The following ITGA11 variants were observed in gnomAD, a reference collection of about 807,000 sequenced individuals.
The protein encoded by ITGA11 is integrin alpha-11.
Under a neutral mutation model 141.9 loss-of-function variants are expected in ITGA11, and 97 were observed. The ratio of observed to expected loss-of-function variants is 0.68; its 90% confidence interval spans 0.58 to 0.81. The LOEUF is 0.81. ITGA11 is among the 30% of genes least tolerant of loss of function. The pLI is 0.00. For synonymous variants in ITGA11, 658 were observed against 624.6 expected (o/e 1.05, Z -0.80); for missense variants, 1,387 against 1,559.2 (o/e 0.89, Z 1.86).
chr15:68,427,900 T>C (rs1203741734), intron 1 of ITGA11, among the ~76,000 whole-genome samples: 1 of 152,112 alleles, frequency 6.6e-6, no homozygotes, highest in East Asian at 1.9e-4. Flanking sequence ...GTAGCCTACA[T>C]ACAGTTGGTG....
intron 2 of ITGA11, among the ~76,000 whole-genome samples, chr15:68,370,413 G>A (rs1895553528): frequency 6.6e-6 from 1 of 152,106 alleles, no homozygotes; most frequent in African/African-American, 2.4e-5. Context: ...GGGTCCCCAG[G>A]TCCTGTCCTT....
chr15:68,378,100 A>T (rs1307337573), intron 2 of ITGA11, among the ~76,000 whole-genome samples: 1 of 152,214 alleles, frequency 6.6e-6, no homozygotes, highest in Non-Finnish European at 1.5e-5. Context: ...CTACATGTGT[A>T]ATGTCCCCCA....
chr15:68,343,002 TC>T (rs1894621434), intron 10 of ITGA11, among the ~76,000 whole-genome samples: 1 of 20,210 alleles, frequency 4.9e-5, no homozygotes, highest in East Asian at 1.2e-3. Flanking sequence ...AGTTCTTCTC[TC>T]TCTCTCTCTC....
intron 26 of ITGA11, among the ~76,000 whole-genome samples, 152 bp downstream of exon 26, chr15:68,310,842 C>T (rs544213148): frequency 2.0e-5 from 3 of 152,338 alleles, no homozygotes; most frequent in South Asian, 4.1e-4. Context: ...TTTCCTCCTT[C>T]AGTTTTTTTC....
In ITGA11 at chr15:68,318,734, G is replaced by A. The variant is rs1267014216; in HGVS notation, c.2617-1371C>T. On this transcript the variant is annotated intron_variant, in intron 20 of 29. Coordinates refer to ENST00000315757, the MANE Select transcript of ITGA11 (RefSeq NM_001004439.2). ...CTGTGTGTGTGGCAAGCAAGGGGGG[G>A]GCACTTGGGGAGGGGTGCTGGGCAG... Among the ~76,000 whole-genome samples, 3 of 152,106 alleles carry A rather than the reference G, an allele frequency of 2.0e-5. No homozygotes were observed. The East Asian group carries it at 5.8e-4, about 29-fold the overall frequency.
intron 9 of ITGA11, among the ~76,000 whole-genome samples, 168 bp downstream of exon 9, chr15:68,350,449 C>T (rs1173311147): frequency 6.6e-6 from 1 of 152,170 alleles, no homozygotes; most frequent in East Asian, 1.9e-4. Flanking sequence ...CTTGGCCTCC[C>T]AAAGTGCTGG....
intron 18 of ITGA11, among the ~76,000 whole-genome samples, chr15:68,323,128 C>G (rs1180382816): frequency 6.6e-6 from 1 of 152,212 alleles, no homozygotes; most frequent in East Asian, 1.9e-4. Flanking sequence ...CACGCTCTTG[C>G]TTTAGGCATT....
chr15:68,365,283 G>C (rs1895382947), intron 3 of ITGA11: 1 of 985,288 alleles, frequency 1.0e-6, no homozygotes, highest in African/African-American at 1.7e-5. Context: ...TGTGACAGCT[G>C]AGAGTTTCCT....
rs1311643213 is a variant in ITGA11 at position 68,324,346 on chromosome 15, G to T, written c.2322+785C>A. ...TGAAACTGCTTCCTGGCTGGACTCT[G>T]TCACTCACACAGACGTTGCTCAGAG... On this transcript the variant is annotated intron_variant, in intron 18 of 29. Coordinates refer to ENST00000315757, the MANE Select transcript of ITGA11 (RefSeq NM_001004439.2). This position sits in a 1 kb window ranked among gnomAD's most constrained non-coding sequence, Gnocchi z 6.3. Among the ~76,000 whole-genome samples, 1 of 152,194 alleles carries T rather than the reference G, an allele frequency of 6.6e-6. No individual in the cohort carries two copies. The highest frequency in any genetic ancestry group is 1.5e-5 in the Non-Finnish European group (1 of 68,048).
At chr15:68,386,330 A>C (rs1895983883) in intron 2 of ITGA11, among the ~76,000 whole-genome samples, 1 of 152,154 alleles carries the variant, frequency 6.6e-6, no homozygotes, top group African/African-American at 2.4e-5. Flanking sequence ...AAGCCAGGCA[A>C]GCTGCTGGGT....
chr15:68,337,775 C>T (rs574826939), intron 11 of ITGA11, among the ~76,000 whole-genome samples: 25 of 152,334 alleles, frequency 1.6e-4, no homozygotes, highest in African/African-American at 5.8e-4. Context: ...TTCGAGGCCT[C>T]CTGCTACAGT....
chr15:68,427,489 CT>C (rs1226768318), intron 1 of ITGA11, among the ~76,000 whole-genome samples: 1 of 152,088 alleles, frequency 6.6e-6, no homozygotes, highest in Non-Finnish European at 1.5e-5. Flanking sequence ...ATTATTTCTG[CT>C]GCTTGGTGAG....
At chr15:68,386,937 G>A (rs567343236) in intron 2 of ITGA11, among the ~76,000 whole-genome samples, 92 of 150,396 alleles carry the variant, frequency 6.1e-4, no homozygotes, top group South Asian at 1.5e-3. Context: ...GCCTCCCTTC[G>A]CCTTGGCCGC....
rs776870763 is a variant in ITGA11 at position 68,339,779 on chromosome 15, C to A, written c.1132-135G>T. On this transcript the variant is annotated intron_variant, in intron 10 of 29. Transcript: ENST00000315757. ...TTCTCCTGGGTGCATTATTTAGCAA[C>A]CTAACTTCTGGCTGGGGCTCTTGGC... 5 of 938,784 alleles carry A rather than the reference C, an allele frequency of 5.3e-6. No homozygotes were observed. In the South Asian group the frequency reaches 6.8e-5, roughly 13 times the overall value. The allele number at this position is 938,784 out of a possible 1,614,324, so 58.2% of individuals were successfully genotyped here. A position where few individuals can be genotyped will look rare whatever the true frequency, so the allele number is the denominator to read the frequency against.
chr15:68,360,372 A>T (rs1181232920), intron 5 of ITGA11, among the ~76,000 whole-genome samples: 1 of 152,146 alleles, frequency 6.6e-6, no homozygotes, highest in Non-Finnish European at 1.5e-5. Context: ...TTTCTTTCTT[A>T]CAATTTCACA....
At position 68,325,390 on chromosome 15, in the gene ITGA11, G is replaced by A. The variant is rs1893941800; in HGVS notation, c.2212-149C>T. On this transcript the variant is annotated intron_variant, in intron 17 of 29. Transcript: ENST00000315757. The surrounding 1 kb of genome is among the most constrained non-coding windows in gnomAD (Gnocchi z 5.5). ...CAGGGTGAGTCTGCAGGTGGATGGA[G>A]GTTTCTAGCGGGTCTGTTGGTGGGA... 4.7e-6 allele frequency: 3 copies of A among 632,776 alleles called. No individual in the cohort carries two copies. The East Asian group carries it at 8.2e-5, about 17-fold the overall frequency. The allele number at this position is 632,776 out of a possible 1,614,324, so 39.2% of individuals were successfully genotyped here. A position where few individuals can be genotyped will look rare whatever the true frequency, so the allele number is the denominator to read the frequency against.
chr15:68,314,822 G>T (rs187986317), intron 22 of ITGA11, among the ~76,000 whole-genome samples: 1 of 152,320 alleles, frequency 6.6e-6, no homozygotes, highest in East Asian at 1.9e-4. Context: ...TGAGTCCCCA[G>T]CGCTTATGTG....
Position 68,432,128 on chromosome 15 carries a change from GGCAGCCTCCTCGGCGCGGCGCCT to G in ITGA11, c.-85_-63del, listed in dbSNP as rs1334832769. ...GCGGCGGGGGGCGGCAAGCCAGAGC[GGCAGCCTCCTCGGCGCGGCGCCT>G]GCAGCCTGCACTGCGCGGGGCGCCG... On this transcript the variant is annotated 5_prime_UTR_variant, in exon 1 of 30. Transcript: ENST00000315757. 11 of 1,248,666 alleles carry G rather than the reference GGCAGCCTCCTCGGCGCGGCGCCT, an allele frequency of 8.8e-6. No individual in the cohort carries two copies. Among genetic ancestry groups the G allele is most frequent in the Admixed American group, 4.1e-5 (1 of 24,100 alleles). The allele number at this position is 1,248,666 out of a possible 1,614,324, so 77.3% of individuals were successfully genotyped here. A position where few individuals can be genotyped will look rare whatever the true frequency, so the allele number is the denominator to read the frequency against.
At chr15:68,352,191 T>TA (rs199613166) in intron 7 of ITGA11, among the ~76,000 whole-genome samples, 2,878 of 131,424 alleles carry the variant, frequency 0.022, 45 homozygotes, top group South Asian at 0.038. Flanking sequence ...TGGATATTAG[T>TA]TTTTTTTTTT....
Sources: allele counts gnomAD v4.1 joint callset (sites outside exome capture counted in the v4.1 genomes callset), GRCh38; gene constraint gnomAD v4.1.1; non-coding constraint Gnocchi (gnomAD v3.1); transcripts MANE v1.5; gene names NCBI Gene and HGNC (gene_info 2026-07-23, HGNC 2026-07-21).